The following MED27 variants were observed in gnomAD, a reference collection of about 807,000 sequenced individuals.
MED27 encodes mediator of RNA polymerase II transcription subunit 27.
A neutral mutation model predicts 38.2 loss-of-function variants in MED27; 30 were observed. The observed-to-expected ratio is 0.79, with a 90% CI of 0.59 to 1.07. The LOEUF is 1.07. Ranked by LOEUF, MED27 falls within the 50% of genes least tolerant of loss-of-function variation. The pLI is 0.00. For synonymous variants in MED27, 122 were observed against 153.5 expected (o/e 0.79, Z 1.52); for missense variants, 289 against 397.5 (o/e 0.73, Z 2.32).
At chr9:132,009,559 C>T (rs1250648998) in intron 3 of MED27, among the ~76,000 whole-genome samples, 3 of 152,206 alleles carry the variant, frequency 2.0e-5, no homozygotes, top group African/African-American at 4.8e-5. Flanking sequence ...GGAGAGGAAC[C>T]GAGATCTCCT....
chr9:131,875,101 C>A (rs1589175049), intron 6 of MED27, among the ~76,000 whole-genome samples: 1 of 152,102 alleles, frequency 6.6e-6, no homozygotes, highest in Non-Finnish European at 1.5e-5. Flanking sequence ...AATTGGGGCA[C>A]AACATCTCAA....
intron 2 of MED27, 126 bp from the exon 3 acceptor site, chr9:132,014,593 A>G: frequency 1.1e-6 from 1 of 900,620 alleles, no homozygotes; most frequent in South Asian, 1.9e-5. Flanking sequence ...CTTCAAATAC[A>G]ACTGCTCACA....
At chr9:131,998,374 G>A (rs993169129) in intron 3 of MED27, among the ~76,000 whole-genome samples, 1 of 151,736 alleles carries the variant, frequency 6.6e-6, no homozygotes, top group Admixed American at 6.6e-5. Context: ...TTATAGGAGC[G>A]GGAAACCAAG....
At chr9:131,969,684 G>A (rs1353290501) in intron 3 of MED27, among the ~76,000 whole-genome samples, 1 of 152,112 alleles carries the variant, frequency 6.6e-6, no homozygotes. Context: ...AGCAGGTCCG[G>A]GGTGATGTGC....
chr9:131,923,789 C>G (rs975713649), intron 4 of MED27, among the ~76,000 whole-genome samples: 5 of 152,154 alleles, frequency 3.3e-5, no homozygotes, highest in African/African-American at 1.2e-4. Context: ...GTTTCTCTTT[C>G]CTGTGTTGTT....
chr9:131,881,314 TTAGG>T (rs1236596443), intron 6 of MED27, among the ~76,000 whole-genome samples: 1 of 152,162 alleles, frequency 6.6e-6, no homozygotes, highest in East Asian at 1.9e-4. Context: ...GTATGGTGAC[TTAGG>T]TAAGAACACT....
At chr9:131,993,840 C>T (rs1832031791) in intron 3 of MED27, among the ~76,000 whole-genome samples, 1 of 152,294 alleles carries the variant, frequency 6.6e-6, no homozygotes, top group Non-Finnish European at 1.5e-5. Context: ...ACTCTGATTT[C>T]CTCCTACATC....
At chr9:132,076,691 A>G (rs941660989) in intron 2 of MED27, among the ~76,000 whole-genome samples, 5 of 152,190 alleles carry the variant, frequency 3.3e-5, no homozygotes, top group East Asian at 1.9e-4. Flanking sequence ...CCTAAAATAT[A>G]TATTCTAGTT....
chr9:132,019,125 G>A (rs1364083872), intron 2 of MED27, among the ~76,000 whole-genome samples: 1 of 152,110 alleles, frequency 6.6e-6, no homozygotes, highest in African/African-American at 2.4e-5. Context: ...TGGGAAAAAC[G>A]CCCAGAAAAG....
At chr9:131,947,116 G>A (rs1830901973) in intron 3 of MED27, among the ~76,000 whole-genome samples, 2 of 152,064 alleles carry the variant, frequency 1.3e-5, no homozygotes, top group South Asian at 2.1e-4. Flanking sequence ...TGAATGAACA[G>A]ACTGTACATT....
chr9:132,047,464 A>ACACACACACACC, intron 2 of MED27, among the ~76,000 whole-genome samples: 1 of 151,412 alleles, frequency 6.6e-6, no homozygotes, highest in African/African-American at 2.4e-5. Context: ...ACACACACAC[A>ACACACACACACC]CACACACACA....
chr9:131,938,318 C>T (rs1400145528), intron 4 of MED27, among the ~76,000 whole-genome samples: 3 of 152,180 alleles, frequency 2.0e-5, no homozygotes, highest in Admixed American at 6.5e-5. Flanking sequence ...AGTCCTGAAC[C>T]TTACCTCCCT....
chr9:131,977,292 A>G (rs2131022304), intron 3 of MED27, among the ~76,000 whole-genome samples: 1 of 152,320 alleles, frequency 6.6e-6, no homozygotes, highest in South Asian at 2.1e-4. Flanking sequence ...CAGTCAGGTC[A>G]AAGCCTGGTT....
intron 3 of MED27, among the ~76,000 whole-genome samples, chr9:131,971,119 TAAAG>T (rs1473716816): frequency 6.6e-6 from 1 of 152,136 alleles, no homozygotes; most frequent in Non-Finnish European, 1.5e-5. Context: ...AAAGGATAGA[TAAAG>T]AAAACACAGC....
intron 3 of MED27, among the ~76,000 whole-genome samples, chr9:131,974,936 A>G (rs1831571970): frequency 6.6e-6 from 1 of 152,044 alleles, no homozygotes; most frequent in African/African-American, 2.4e-5. Flanking sequence ...TTTTTTTAAG[A>G]CCAGTAAACC....
intron 2 of MED27, among the ~76,000 whole-genome samples, chr9:132,041,046 C>T (rs1255080786): frequency 6.6e-6 from 1 of 152,114 alleles, no homozygotes; most frequent in African/African-American, 2.4e-5. Context: ...CATCAGACCA[C>T]ACCACGGGCA....
intron 3 of MED27, among the ~76,000 whole-genome samples, chr9:131,962,016 G>A (rs920910223): frequency 1.3e-5 from 2 of 152,288 alleles, no homozygotes; most frequent in South Asian, 2.1e-4. Flanking sequence ...TTTGTTACTC[G>A]ATGGACAGGC....
chr9:131,870,257 G>C (rs1838806886), intron 6 of MED27, among the ~76,000 whole-genome samples: 2 of 152,210 alleles, frequency 1.3e-5, no homozygotes, highest in Non-Finnish European at 2.9e-5. Context: ...GCACAGCTCA[G>C]GGTGTGTGGC....
chr9:132,019,289 A>T (rs1432431557), intron 2 of MED27, among the ~76,000 whole-genome samples: 1 of 152,190 alleles, frequency 6.6e-6, no homozygotes, highest in Non-Finnish European at 1.5e-5. Context: ...GTCAGCTAAC[A>T]AGTAGACTGG....
Sources: gnomAD v4.1 joint callset for allele counts (sites outside exome capture counted in the v4.1 genomes callset) on GRCh38, gnomAD v4.1.1 for gene constraint, MANE v1.5 for transcripts, NCBI Gene and HGNC (gene_info 2026-07-23, HGNC 2026-07-21) for gene names.